The following CIMAP1D variants were observed in gnomAD, a reference collection of about 807,000 sequenced individuals.
The protein encoded by CIMAP1D is CIMAP1 family member D.
the CIMAP1D span, chr19:474,569 T>A: frequency 7.0e-7 from 1 of 1,430,746 alleles, no homozygotes; most frequent in Admixed American, 2.5e-5. Context: ...CCCAGAAGTA[T>A]GGGGAGTGGA....
the CIMAP1D span, among the ~76,000 whole-genome samples, chr19:478,550 C>T: frequency 1.2e-3 from 181 of 152,384 alleles, no homozygotes; most frequent in African/African-American, 4.1e-3. Context: ...GATCTGATCG[C>T]ACCAGATTCT....
chr19:475,668 A>T, the CIMAP1D span, among the ~76,000 whole-genome samples: 25 of 152,144 alleles, frequency 1.6e-4, no homozygotes, highest in Admixed American at 1.4e-3. Context: ...ATTCAAGGCG[A>T]CCACTGCGTG....
the CIMAP1D span, among the ~76,000 whole-genome samples, chr19:488,038 G>A: frequency 4.6e-5 from 7 of 152,070 alleles, no homozygotes; most frequent in African/African-American, 7.2e-5. Context: ...AATCGATCAC[G>A]ACCCTCTCAC....
the CIMAP1D span, among the ~76,000 whole-genome samples, chr19:475,675 C>T: frequency 1.3e-5 from 2 of 152,072 alleles, no homozygotes; most frequent in Non-Finnish European, 2.9e-5. Flanking sequence ...GCGACCACTG[C>T]GTGAGGCTCC....
the CIMAP1D span, among the ~76,000 whole-genome samples, chr19:468,728 C>T: frequency 6.6e-6 from 1 of 152,234 alleles, no homozygotes; most frequent in African/African-American, 2.4e-5. Context: ...TTCACGGCCC[C>T]ACAGACCGTC....
the CIMAP1D span, among the ~76,000 whole-genome samples, chr19:476,083 C>T: frequency 6.7e-6 from 1 of 149,620 alleles, no homozygotes. Flanking sequence ...ACTGGAACCT[C>T]CGCCTCCAGG....
At chr19:482,603 G>C in the CIMAP1D span, among the ~76,000 whole-genome samples, 6 of 152,188 alleles carry the variant, frequency 3.9e-5, no homozygotes, top group African/African-American at 1.2e-4. Context: ...GAGATCGGCA[G>C]GGCGTCCTTG....
At chr19:485,177 T>C in the CIMAP1D span, among the ~76,000 whole-genome samples, 13,939 of 152,166 alleles carry the variant, frequency 0.092, 1,105 homozygotes, top group African/African-American at 0.22. Flanking sequence ...TGGAGGGTCA[T>C]TGCCGTGCTC....
At chr19:464,136 C>CGGGGGGGGGG in the CIMAP1D span, 1 of 986,806 alleles carries the variant, frequency 1.0e-6, no homozygotes, top group Non-Finnish European at 1.2e-6. Flanking sequence ...CTGCGGGGGG[C>CGGGGGGGGGG]GGGCGGGGGG....
At chr19:463,657 C>G in the CIMAP1D span, 1 of 855,860 alleles carries the variant, frequency 1.2e-6, no homozygotes, top group South Asian at 1.8e-5. Flanking sequence ...GCACCCTGCA[C>G]AGGGCCATGG....
the CIMAP1D span, among the ~76,000 whole-genome samples, chr19:487,568 G>A: frequency 6.6e-6 from 1 of 151,944 alleles, no homozygotes; most frequent in African/African-American, 2.4e-5. Context: ...ACTTTGGAAG[G>A]CCGAGGCGGG....
chr19:475,909 G>A, the CIMAP1D span, among the ~76,000 whole-genome samples: 3 of 148,112 alleles, frequency 2.0e-5, no homozygotes, highest in Non-Finnish European at 4.5e-5. Flanking sequence ...GAGTAGCTGA[G>A]ATTACAGGCA....
the CIMAP1D span, among the ~76,000 whole-genome samples, chr19:481,354 GA>G: frequency 7.3e-6 from 1 of 136,416 alleles, no homozygotes; most frequent in African/African-American, 2.8e-5. Context: ...TGATGGGAAG[GA>G]TGATGGAGAA....
At chr19:483,626 G>C in the CIMAP1D span, among the ~76,000 whole-genome samples, 1 of 152,236 alleles carries the variant, frequency 6.6e-6, no homozygotes. Flanking sequence ...CATGGGGTGA[G>C]TGGGGGCAGG....
chr19:463,538 T>C, the CIMAP1D span: 1 of 454,458 alleles, frequency 2.2e-6, no homozygotes, highest in Non-Finnish European at 3.9e-6. Flanking sequence ...GGAAGCTCCA[T>C]CTCCAGCCAG....
chr19:472,749 C>G, the CIMAP1D span: 1 of 509,188 alleles, frequency 2.0e-6, no homozygotes, highest in Non-Finnish European at 3.5e-6. Flanking sequence ...GACAGGGAGA[C>G]TGGGGCCTGA....
At chr19:464,425 G>GGGGA in the CIMAP1D span, 1 of 1,002,780 alleles carries the variant, frequency 1.0e-6, no homozygotes, top group Non-Finnish European at 1.5e-6. Context: ...GACCCGGCCT[G>GGGGA]GCTCCCCATG....
chr19:474,852 G>T, the CIMAP1D span: 1 of 988,534 alleles, frequency 1.0e-6, no homozygotes, highest in Non-Finnish European at 1.4e-6. Context: ...CCACCTTCAC[G>T]GCCTCACCAC....
chr19:488,711 T>C, the CIMAP1D span, among the ~76,000 whole-genome samples: 2 of 151,764 alleles, frequency 1.3e-5, no homozygotes, highest in African/African-American at 4.8e-5. Context: ...GACCGGGCCC[T>C]GCGGCCCCGA....
Sources: allele counts gnomAD v4.1 joint callset (sites outside exome capture counted in the v4.1 genomes callset), GRCh38; gene constraint gnomAD v4.1.1; transcripts MANE v1.5; gene names NCBI Gene and HGNC (gene_info 2026-07-23, HGNC 2026-07-21).